The following CCNY variants were observed in gnomAD, a reference collection of about 807,000 sequenced individuals.
CCNY encodes the protein cyclin-Y.
Under a neutral mutation model 42.8 loss-of-function variants are expected in CCNY, and 19 were observed. The observed-to-expected ratio is 0.44, with a 90% CI of 0.31 to 0.65. The LOEUF is 0.65. Among genes scored for constraint, CCNY ranks in the 30% least tolerant of loss-of-function variants. The pLI is 0.07. For missense variants in CCNY, 370 were observed against 437.3 expected (o/e 0.85, Z 1.37); for synonymous variants, 165 against 162.7 (o/e 1.01, Z -0.11).
At chr10:35,545,071 C>T (rs542982399) in intron 7 of CCNY, among the ~76,000 whole-genome samples, 1 of 152,308 alleles carries the variant, frequency 6.6e-6, no homozygotes, top group Non-Finnish European at 1.5e-5. Flanking sequence ...ATGACTAATC[C>T]TTGCCATGTA....
At chr10:35,452,601 C>G (rs1043219804) in intron 1 of CCNY, among the ~76,000 whole-genome samples, 4 of 152,012 alleles carry the variant, frequency 2.6e-5, no homozygotes, top group African/African-American at 9.7e-5. Context: ...TAAGTGACTG[C>G]TGAGGTTCTC....
At chr10:35,288,928 T>G (rs901203802) in intron 3 of CCNY, among the ~76,000 whole-genome samples, 2 of 152,224 alleles carry the variant, frequency 1.3e-5, no homozygotes, top group Non-Finnish European at 2.9e-5. Flanking sequence ...TTGGTCATTT[T>G]AGATCCTTTG....
intron 3 of CCNY, among the ~76,000 whole-genome samples, chr10:35,296,582 A>G (rs1161525802): frequency 6.6e-6 from 1 of 152,192 alleles, no homozygotes; most frequent in Non-Finnish European, 1.5e-5. Context: ...CTCTGTCAGA[A>G]AAAAAAGAAA....
chr10:35,346,937 G>C (rs531836507), intron 1 of CCNY, among the ~76,000 whole-genome samples: 8 of 152,180 alleles, frequency 5.3e-5, no homozygotes, highest in Non-Finnish European at 1.0e-4. Context: ...CCATTAGTTT[G>C]TAAAGAAACT....
At chr10:35,523,692 C>G (rs1480078728) in intron 4 of CCNY, among the ~76,000 whole-genome samples, 2 of 152,134 alleles carry the variant, frequency 1.3e-5, no homozygotes, top group Non-Finnish European at 2.9e-5. Flanking sequence ...GGACCTCTTA[C>G]TAGGGGAATA....
At chr10:35,462,344 C>T (rs993473615) in intron 1 of CCNY, among the ~76,000 whole-genome samples, 2 of 152,158 alleles carry the variant, frequency 1.3e-5, no homozygotes, top group Admixed American at 6.5e-5. Flanking sequence ...ATAGTGTATC[C>T]GCTCCCTTTC....
intron 1 of CCNY, among the ~76,000 whole-genome samples, chr10:35,413,348 A>G (rs1837954998): frequency 6.6e-6 from 1 of 152,290 alleles, no homozygotes; most frequent in Non-Finnish European, 1.5e-5. Flanking sequence ...GGTGACTGAA[A>G]TCACCACTGC....
At chr10:35,370,719 A>T (rs1311885029) in intron 1 of CCNY, among the ~76,000 whole-genome samples, 3 of 150,608 alleles carry the variant, frequency 2.0e-5, no homozygotes, top group African/African-American at 4.9e-5. Flanking sequence ...AAACTATTTT[A>T]TTTTATTTTT....
At chr10:35,371,465 C>T (rs1327153422) in intron 1 of CCNY, among the ~76,000 whole-genome samples, 6 of 152,202 alleles carry the variant, frequency 3.9e-5, no homozygotes, top group Admixed American at 3.9e-4. Flanking sequence ...TTGAACAAGT[C>T]ACTTTCCTTC....
At chr10:35,534,008 T>G (rs902064511) in intron 7 of CCNY, among the ~76,000 whole-genome samples, 6 of 152,078 alleles carry the variant, frequency 3.9e-5, no homozygotes, top group Admixed American at 3.9e-4. Context: ...TTGACACATT[T>G]CATTTCATTG....
At chr10:35,542,212 G>A (rs1841016521) in intron 7 of CCNY, among the ~76,000 whole-genome samples, 1 of 150,572 alleles carries the variant, frequency 6.6e-6, no homozygotes, top group Non-Finnish European at 1.5e-5. Context: ...TTTGAGGAGT[G>A]CTGGCTAGTT....
chr10:35,306,870 T>C (rs1835612402), intron 3 of CCNY, among the ~76,000 whole-genome samples: 1 of 151,910 alleles, frequency 6.6e-6, no homozygotes, highest in South Asian at 2.1e-4. Context: ...ATGGCAGGAG[T>C]GCTGTCAAAT....
chr10:35,247,616 C>T (rs1469929795), intron 1 of CCNY, among the ~76,000 whole-genome samples: 1 of 150,492 alleles, frequency 6.6e-6, no homozygotes, highest in Non-Finnish European at 1.5e-5. Flanking sequence ...AAAAATCACA[C>T]CTGTAATCCC....
chr10:35,296,320 C>T (rs1835471013), intron 3 of CCNY, among the ~76,000 whole-genome samples: 1 of 152,208 alleles, frequency 6.6e-6, no homozygotes, highest in Non-Finnish European at 1.5e-5. Context: ...TGGCTCACGC[C>T]TGTAATTTCA....
In CCNY at chr10:35,356,463, G is replaced by C. The variant is rs565721793; in HGVS notation, c.154+19256G>C. On this transcript the variant is annotated intron_variant, in intron 1 of 9. Coordinates refer to ENST00000374704, the MANE Select transcript of CCNY (RefSeq NM_145012.6). ...CCAGCCCCCAATTCTCCATGACTCC[G>C]CGTGGGGGTAGCTGGTGTTGTAGCG... 7.6e-4 allele frequency among the ~76,000 whole-genome samples: 115 copies of C among 152,238 alleles called. No individual in the cohort carries two copies. In the Middle Eastern group the frequency reaches 0.014, roughly 18 times the overall value.
At position 35,384,345 on chromosome 10, in the gene CCNY, T is replaced by C. The variant is rs112317268; in HGVS notation, c.154+47138T>C. ...GGTAGGGTATTACTGAATCCACATG[T>C]TGCAAGAGAAAAGGAGCAGGTAGGG... On this transcript the variant is annotated intron_variant, in intron 1 of 9. Transcript: ENST00000374704. 3.4e-3 allele frequency among the ~76,000 whole-genome samples: 512 copies of C among 152,156 alleles called. 4 individuals are homozygous for C. The highest frequency in any genetic ancestry group is 0.012 in the African/African-American group (482 of 41,522).
upstream of CCNY, chr10:35,335,853 G>A (rs567153924): frequency 6.7e-6 from 1 of 149,886 alleles, no homozygotes; most frequent in Non-Finnish European, 1.5e-5. Context: ...TCGCTACTTT[G>A]GAGACACACA....
chr10:35,521,947 GAA>G (rs1031707778), intron 4 of CCNY, among the ~76,000 whole-genome samples: 1 of 151,936 alleles, frequency 6.6e-6, no homozygotes, highest in African/African-American at 2.4e-5. Flanking sequence ...AAAGAGACCA[GAA>G]AAAAAGGGAG....
rs115039208 is a variant in CCNY, at chr10:35,371,134, T to C, written c.154+33927T>C. Among the ~76,000 whole-genome samples, 158 of 152,354 alleles carry C rather than the reference T, an allele frequency of 1.0e-3. 1 individual carries two copies. The highest frequency in any genetic ancestry group is 3.6e-3 in the African/African-American group (150 of 41,582). On this transcript the variant is annotated intron_variant, in intron 1 of 9. Coordinates refer to ENST00000374704, the MANE Select transcript of CCNY (RefSeq NM_145012.6). ...TTTCTTGACTTCTCCACGTAGCCTG[T>C]ATGTCCCTTCAAAGCAGGGACTATA...
Sources: allele counts gnomAD v4.1 joint callset (sites outside exome capture counted in the v4.1 genomes callset), GRCh38; gene constraint gnomAD v4.1.1; transcripts MANE v1.5; gene names NCBI Gene and HGNC (gene_info 2026-07-23, HGNC 2026-07-21).